TNFRSF8: variants seen among roughly 807,000 people sequenced by gnomAD.
The protein encoded by TNFRSF8 is TNF receptor superfamily member 8.
TNFRSF8 carries 26 observed loss-of-function variants against 70.8 expected under a neutral mutation model. The observed-to-expected ratio is 0.37, with a 90% confidence interval of 0.27 to 0.51. The LOEUF (loss-of-function observed/expected upper bound fraction) is 0.51, where lower values mean the gene tolerates loss of function less well. Ranked by LOEUF, TNFRSF8 falls within the 20% of genes least tolerant of loss-of-function variation. The pLI is 0.94. For missense variants in TNFRSF8, 720 were observed against 807.9 expected (o/e 0.89, Z 1.32); for synonymous variants, 356 against 339.2 (o/e 1.05, Z -0.54).
chr1:12,087,907 AT>A (rs1267589937), intron 2 of TNFRSF8, among the ~76,000 whole-genome samples: 1 of 151,608 alleles, frequency 6.6e-6, no homozygotes, highest in Non-Finnish European at 1.5e-5. Flanking sequence ...AATACTCCAT[AT>A]TGGTGTGGTG....
chr1:12,116,321 A>G (rs1386806268), intron 8 of TNFRSF8, among the ~76,000 whole-genome samples: 3 of 152,184 alleles, frequency 2.0e-5, no homozygotes, highest in Non-Finnish European at 2.9e-5. Context: ...AGGCTGTTTT[A>G]TTGACTTAGA....
chr1:12,142,192 G>A lies in TNFRSF8; in HGVS notation c.1544-95G>A. ...ATCAGCCTGAAGCCACCCGGCAGGT[G>A]TACCAGCACTGGGCCTCGGCCCTTC... On this transcript the variant is annotated intron_variant, in intron 14 of 14. Transcript: ENST00000263932. This position sits in a 1 kb window ranked among gnomAD's most constrained non-coding sequence, Gnocchi z 5.0. 1.4e-6 allele frequency: 2 copies of A among 1,457,224 alleles called. No homozygotes were observed. Among genetic ancestry groups the A allele is most frequent in the Non-Finnish European group, 1.8e-6 (2 of 1,097,670 alleles). The allele number at this position is 1,457,224 out of a possible 1,614,324, so 90.3% of individuals were successfully genotyped here.
At position 12,107,502 on chromosome 1, in the gene TNFRSF8, ATAAT is replaced by A. The variant is rs533493528; in HGVS notation, c.422-2057_422-2054del. Among the ~76,000 whole-genome samples the A allele has an allele frequency of 6.0e-3, 919 of 152,316 alleles. 10 individuals are homozygous for A. The highest frequency in any genetic ancestry group is 0.021 in the African/African-American group (886 of 41,558). On this transcript the variant is annotated intron_variant, in intron 4 of 14. Transcript: ENST00000263932. ...TCGAAAACTTAGTATAAACAAGAAT[ATAAT>A]TAATTATTTTTTATATTGATTGCCT...
At chr1:12,100,664 C>G (rs562069123) in intron 3 of TNFRSF8, among the ~76,000 whole-genome samples, 1 of 152,080 alleles carries the variant, frequency 6.6e-6, no homozygotes, top group East Asian at 1.9e-4. Context: ...TCCTCCAAAT[C>G]TTGTCCCATT....
At chr1:12,097,022 G>T in intron 2 of TNFRSF8, 79 bp from the exon 3 acceptor site, 1 of 1,076,584 alleles carries the variant, frequency 9.3e-7, no homozygotes, top group East Asian at 2.4e-5. Flanking sequence ...GGGCGTCAGG[G>T]ATGAGAGGTG....
intron 2 of TNFRSF8, among the ~76,000 whole-genome samples, chr1:12,084,939 T>C (rs1158234442): frequency 1.3e-5 from 2 of 152,126 alleles, no homozygotes; most frequent in Non-Finnish European, 2.9e-5. Context: ...CAGGGTTAAG[T>C]TCCAGCTACT....
chr1:12,091,226 G>T (rs1641243281), intron 2 of TNFRSF8, among the ~76,000 whole-genome samples: 1 of 152,210 alleles, frequency 6.6e-6, no homozygotes, highest in African/African-American at 2.4e-5. Flanking sequence ...AGACTTTGAG[G>T]CAATGATCTG....
rs147789545 is a variant in TNFRSF8 at position 12,091,352 on chromosome 1, G to A, written c.152-5749G>A. 5.2e-3 allele frequency among the ~76,000 whole-genome samples: 794 copies of A among 152,320 alleles called. 9 individuals carry two copies. The highest frequency in any genetic ancestry group is 0.018 in the African/African-American group (740 of 41,584). On this transcript the variant is annotated intron_variant, in intron 2 of 14. Transcript: ENST00000263932. Reference sequence around the variant, plus strand: ...CTAGTTACTGCTGTGGGCAACTGGGGCTTAATCCCTCTGGGGGCCTCTGGG... The same window carrying A: ...CTAGTTACTGCTGTGGGCAACTGGGACTTAATCCCTCTGGGGGCCTCTGGG...
chr1:12,071,318 A>G (rs1252726471), intron 1 of TNFRSF8, among the ~76,000 whole-genome samples: 1 of 152,182 alleles, frequency 6.6e-6, no homozygotes, highest in African/African-American at 2.4e-5. Context: ...GTGTGCCTGT[A>G]GTCCCAGCTA....
rs765560482 is a variant in TNFRSF8, at chr1:12,084,521, G to T, written c.121G>T (p.Val41Phe). ...CCCCAGCCACTACTATGACAAGGCT[G>T]TCAGGAGGTGCTGTTACCGCTGCCC... ...GNPSHYYDKA[V>F]RRCCYRCPMG... Residue 41 changes from valine (V) to phenylalanine (F), a missense_variant, in exon 2 of 15, where the codon GTC becomes TTC. Physicochemically the swap from Val to Phe is conservative, Grantham distance 50. Transcript: ENST00000263932. 6.2e-7 allele frequency: 1 copy of T among 1,614,012 alleles called. No individual in the cohort carries two copies. Among genetic ancestry groups the T allele is most frequent in the Admixed American group, 1.7e-5 (1 of 60,006 alleles).
At chr1:12,102,910 G>A (rs1295788986) in intron 3 of TNFRSF8, among the ~76,000 whole-genome samples, 1 of 151,728 alleles carries the variant, frequency 6.6e-6, no homozygotes, top group African/African-American at 2.4e-5. Flanking sequence ...TTTTTGATTC[G>A]AGTCATTCTA....
Position 12,104,439 on chromosome 1 carries a change from C to A in TNFRSF8, c.329C>A (p.Pro110His). ...WNSSRVCECRPGMFCSTSAVN... is the reference protein window; with the variant it reads ...WNSSRVCECRHGMFCSTSAVN... ...TCCTCCCGTGTCTGCGAATGTCGAC[C>A]CGGCATGTTCTGTTCCACGTCTGCC... Residue 110 changes from proline (P) to histidine (H), a missense_variant, in exon 4 of 15, where the codon CCC (proline) becomes CAC (histidine). Transcript: ENST00000263932. The A allele has an allele frequency of 1.2e-6, 2 of 1,614,136 alleles. No individual in the cohort carries two copies. Among genetic ancestry groups the A allele is most frequent in the Non-Finnish European group, 1.7e-6 (2 of 1,180,020 alleles).
chr1:12,075,241 CA>C (rs1242001829), intron 1 of TNFRSF8, among the ~76,000 whole-genome samples: 2 of 134,296 alleles, frequency 1.5e-5, no homozygotes, highest in Non-Finnish European at 3.1e-5. Context: ...GAGACTCTGC[CA>C]AAAAAAAAAT....
chr1:12,105,051 C>T (rs1268229454), intron 4 of TNFRSF8, among the ~76,000 whole-genome samples: 1 of 152,172 alleles, frequency 6.6e-6, no homozygotes, highest in African/African-American at 2.4e-5. Context: ...GTCAGGGCTG[C>T]TTTTAACCAG....
At position 12,125,982 on chromosome 1, in the gene TNFRSF8, G is replaced by A. The variant is rs1641930291; in HGVS notation, c.1185G>A (p.Leu395=). The change falls in exon 11 of 15, where the codon TTG becomes TTA. Residue 395 remains leucine, a synonymous_variant. Coordinates refer to ENST00000263932, the MANE Select transcript of TNFRSF8 (RefSeq NM_001243.5). Reference sequence around the variant, plus strand: ...TGCTCTTCTGGGTGATCCTGGTGTTGGTTGTGGTGGTCGGCTCCAGCGCCT... The same window carrying A: ...TGCTCTTCTGGGTGATCCTGGTGTTAGTTGTGGTGGTCGGCTCCAGCGCCT... ...GPVLFWVILV[L]VVVVGSSAFL... The A allele has an allele frequency of 6.2e-7, 1 of 1,614,104 alleles. No individual in the cohort carries two copies. The highest frequency in any genetic ancestry group is 1.3e-5 in the African/African-American group (1 of 74,930).
At chr1:12,126,262 C>T in intron 12 of TNFRSF8, 26 bp downstream of exon 12, 1 of 1,614,016 alleles carries the variant, frequency 6.2e-7, no homozygotes. Flanking sequence ...TCCAAAGGGG[C>T]TGCCCGAGCC....
At chr1:12,080,531 C>T (rs12138960) in intron 1 of TNFRSF8, 125,543 of 455,972 alleles carry the variant, frequency 0.28, 18,407 homozygotes, top group South Asian at 0.38. Context: ...AACGCTCTTT[C>T]GAGGATATTT....
intron 13 of TNFRSF8, among the ~76,000 whole-genome samples, chr1:12,136,240 C>T (rs1642142720): frequency 6.6e-6 from 1 of 152,140 alleles, no homozygotes; most frequent in Non-Finnish European, 1.5e-5. Context: ...TTGGATGTGA[C>T]AAGTGGCTGT....
At chr1:12,122,164 C>G (rs1333637218) in intron 8 of TNFRSF8, among the ~76,000 whole-genome samples, 1 of 152,094 alleles carries the variant, frequency 6.6e-6, no homozygotes, top group Non-Finnish European at 1.5e-5. Flanking sequence ...ACTCATCAGG[C>G]TGTACACACT....
Sources: gnomAD v4.1 joint callset for allele counts (sites outside exome capture counted in the v4.1 genomes callset) on GRCh38, gnomAD v4.1.1 for gene constraint, Gnocchi (gnomAD v3.1) non-coding constraint, MANE v1.5 for transcripts, NCBI Gene and HGNC (gene_info 2026-07-23, HGNC 2026-07-21) for gene names.